The following VCAN variants were observed in gnomAD, a reference collection of about 807,000 sequenced individuals.
VCAN encodes versican.
VCAN carries 44 observed loss-of-function variants against 245.5 expected under a neutral mutation model. That is an observed-to-expected ratio of 0.18 (90% confidence interval 0.14 to 0.23). The LOEUF (loss-of-function observed/expected upper bound fraction) is 0.23, where lower values mean the gene tolerates loss of function less well. Ranked by LOEUF, VCAN falls within the 10% of genes least tolerant of loss-of-function variation. The probability of loss-of-function intolerance (pLI) is 1.00; values close to 1 mark genes in which losing one functional copy is unlikely to be tolerated. For synonymous variants in VCAN, 1,413 were observed against 1,437.0 expected (o/e 0.98, Z 0.38); for missense variants, 3,793 against 4,057.9 (o/e 0.93, Z 1.77).
Position 83,489,125 on chromosome 5 carries a change from T to TTGATATACATTTTGTTGAAATAA in VCAN, c.71-972_71-971insGATATACATTTTGTTGAAATAAT, listed in dbSNP as rs879516354. ...TGTTAGATATACATCATTTTGTTGG[T>TTGATATACATTTTGTTGAAATAA]TAAAAAATCATTATTTCATTTCACC... On this transcript the variant is annotated intron_variant, in intron 2 of 14. Transcript: ENST00000265077. Among the ~76,000 whole-genome samples the TTGATATACATTTTGTTGAAATAA allele has an allele frequency of 9.3e-3, 1,417 of 152,302 alleles. 18 individuals carry two copies. The highest frequency in any genetic ancestry group is 0.03 in the East Asian group (156 of 5,184).
intron 12 of VCAN, among the ~76,000 whole-genome samples, chr5:83,570,870 G>A (rs3852189): frequency 6.8e-6 from 1 of 147,794 alleles, no homozygotes; most frequent in East Asian, 2.0e-4. Flanking sequence ...GCTCTGAATT[G>A]AAAACAATTG....
chr5:83,534,539 C>T (rs1266849161), intron 7 of VCAN, among the ~76,000 whole-genome samples: 2 of 151,882 alleles, frequency 1.3e-5, no homozygotes, highest in African/African-American at 2.4e-5. Context: ...TTTAGTGTAC[C>T]TTTGTCTAAT....
chr5:83,496,962 G>T (rs897950985), intron 5 of VCAN, among the ~76,000 whole-genome samples: 1 of 152,162 alleles, frequency 6.6e-6, no homozygotes, highest in Admixed American at 6.6e-5. Flanking sequence ...CTTGTAAGAG[G>T]CATTGCTAAA....
intron 5 of VCAN, among the ~76,000 whole-genome samples, chr5:83,496,135 T>C (rs547462275): frequency 2.0e-5 from 3 of 152,334 alleles, no homozygotes; most frequent in African/African-American, 4.8e-5. Flanking sequence ...ACTGTCTTCA[T>C]TGAACGATGG....
intron 7 of VCAN, among the ~76,000 whole-genome samples, chr5:83,529,439 T>A (rs79046999): frequency 0.037 from 5,638 of 151,874 alleles, 385 homozygotes; most frequent in African/African-American, 0.13. Flanking sequence ...GCATTTACAT[T>A]GTATTAGTTA....
At position 83,580,501 on chromosome 5, in the gene VCAN, A is replaced by G; in HGVS notation, c.*67A>G. On this transcript the variant is annotated 3_prime_UTR_variant, in exon 15 of 15. Coordinates refer to ENST00000265077, the MANE Select transcript of VCAN (RefSeq NM_004385.5). ...AGTCCTAACTTCCTGTGCCTTTCCT[A>G]TCACCTCGAGAAGTAATTATCAGTT... The G allele has an allele frequency of 5.6e-6, 9 of 1,601,398 alleles. No homozygotes were observed. The highest frequency in any genetic ancestry group is 2.2e-5 in the South Asian group (2 of 89,190).
rs1747188867 is a variant in VCAN, at chr5:83,545,779, G to A, written c.9379+129G>A. ...GAAGATTAATTATATGTTAAATGAA[G>A]TTAAAATCTGAGGGTAATTAACTAG... On this transcript the variant is annotated intron_variant, in intron 9 of 14. Transcript: ENST00000265077. 6 of 804,070 alleles carry A rather than the reference G, an allele frequency of 7.5e-6. No homozygotes were observed. The South Asian group carries it at 8.6e-5, about 12-fold the overall frequency. 49.8% of individuals were successfully genotyped at this position (804,070 alleles called of 1,614,324 possible).
At position 83,540,332 on chromosome 5, in the gene VCAN, C is replaced by T. The variant is rs192091495; in HGVS notation, c.7329C>T (p.His2443=). The change falls in exon 8 of 15, where the codon CAC becomes CAT. Residue 2443 remains histidine, a synonymous_variant. Coordinates refer to ENST00000265077, the MANE Select transcript of VCAN (RefSeq NM_004385.5). ...AAGTGGATATTGTTGATTCATTTCA[C>T]ACTTCTGCAACTACTCAGGCAACCA... The part of the protein sequence containing the change: ...SGEVDIVDSF[H]TSATTQATRQ... 217 of 1,614,072 alleles carry T rather than the reference C, an allele frequency of 1.3e-4. 1 individual carries two copies. In the South Asian group the frequency reaches 2.2e-3, roughly 17 times the overall value.
intron 7 of VCAN, among the ~76,000 whole-genome samples, chr5:83,525,076 C>T (rs1292266905): frequency 1.6e-5 from 2 of 124,012 alleles, no homozygotes; most frequent in Non-Finnish European, 3.3e-5. Flanking sequence ...TACTATGAAA[C>T]AAAACATGCT....
chr5:83,529,013 CACACACACACACAT>C (rs923753215), intron 7 of VCAN, among the ~76,000 whole-genome samples: 9 of 151,726 alleles, frequency 5.9e-5, no homozygotes, highest in African/African-American at 2.2e-4. Context: ...CACACACACA[CACACACACACACAT>C]ATATGTATAC....
intron 14 of VCAN, 33 bp from the exon 15 acceptor site, chr5:83,580,274 G>C: frequency 6.2e-7 from 1 of 1,613,700 alleles, no homozygotes; most frequent in Non-Finnish European, 8.5e-7. Flanking sequence ...AATATTGTGT[G>C]TTTTCTTTTT....
rs1748113950 is a variant in VCAN, at chr5:83,567,185, T to C, written c.9736-5231T>C. On this transcript the variant is annotated intron_variant, in intron 12 of 14. Coordinates refer to ENST00000265077, the MANE Select transcript of VCAN (RefSeq NM_004385.5). The stretch of plus-strand genomic sequence containing the variant: ...CTCTAAAAATAAAGCAATTTTATCA[T>C]ATATTATCCAGCATTAAGCAGTTAT... Among the ~76,000 whole-genome samples, 7 of 152,272 alleles carry C rather than the reference T, an allele frequency of 4.6e-5. No individual in the cohort carries two copies. The South Asian group carries it at 1.5e-3, about 32-fold the overall frequency.
Position 83,471,748 on chromosome 5 carries a change from T to C in VCAN, c.-282T>C, listed in dbSNP as rs1744192628. 1 of 398,782 alleles carries C rather than the reference T, an allele frequency of 2.5e-6. No homozygotes were observed. The highest frequency in any genetic ancestry group is 4.4e-6 in the Non-Finnish European group (1 of 226,224). The allele number at this position is 398,782 out of a possible 1,614,324, so 24.7% of individuals were successfully genotyped here. ...TGATGATGGGTGTCACAACCCGCATTTGAACTTGCAGGCGAGCTGCCCCGA... is the reference window on the plus strand; with the variant it reads ...TGATGATGGGTGTCACAACCCGCATCTGAACTTGCAGGCGAGCTGCCCCGA... On this transcript the variant is annotated 5_prime_UTR_variant, in exon 1 of 15. Coordinates refer to ENST00000265077, the MANE Select transcript of VCAN (RefSeq NM_004385.5).
Position 83,521,454 on chromosome 5 carries a change from A to G in VCAN, c.3148A>G (p.Ser1050Gly), listed in dbSNP as rs1400256989. The change falls in exon 7 of 15, where the codon AGT (serine) becomes GGT (glycine). Residue 1050 changes from serine to glycine, a missense_variant. Around this residue, in one of 5 missense-constraint regions of VCAN, gnomAD observed 3,182 missense variants for 3,250.3 expected, o/e 0.98. Transcript: ENST00000265077. ...TGCAGAGAAACCAGTTCCTGCTCTC[A>G]GTTCTACAGCTTGGACTCCCAAGGA... ...QTAEKPVPAL[S>G]STAWTPKEAV... The G allele has an allele frequency of 6.2e-7, 1 of 1,614,172 alleles. No individual in the cohort carries two copies. Among genetic ancestry groups the G allele is most frequent in the South Asian group, 1.1e-5 (1 of 91,088 alleles).
chr5:83,540,936 A>G lies in VCAN; in HGVS notation c.7933A>G (p.Ser2645Gly). Residue 2645 changes from serine (S) to glycine (G), a missense_variant, in exon 8 of 15, where the codon AGC (serine) becomes GGC (glycine). Physicochemically the swap from Ser to Gly is moderately conservative, Grantham distance 56. Around this residue, in one of 5 missense-constraint regions of VCAN, gnomAD observed 3,182 missense variants for 3,250.3 expected, o/e 0.98. Transcript: ENST00000265077. ...TFEGSADVLA[S>G]YTQATHDESM... ...TGAGGGCTCTGCTGATGTTCTGGCT[A>G]GCTACACTCAGGCAACACATGATGA... 1 of 1,614,026 alleles carries G rather than the reference A, an allele frequency of 6.2e-7. No homozygotes were observed. The highest frequency in any genetic ancestry group is 8.5e-7 in the Non-Finnish European group (1 of 1,179,982).
At chr5:83,573,429 C>T (rs1748365685) in intron 13 of VCAN, among the ~76,000 whole-genome samples, 1 of 151,928 alleles carries the variant, frequency 6.6e-6, no homozygotes, top group Admixed American at 6.6e-5. Context: ...CTCATTGAGT[C>T]CTTCCTTTGT....
At chr5:83,559,075 AAACCCT>A (rs1289508325) in intron 12 of VCAN, among the ~76,000 whole-genome samples, 1 of 152,150 alleles carries the variant, frequency 6.6e-6, no homozygotes, top group East Asian at 1.9e-4. Flanking sequence ...GCTTTATTGG[AAACCCT>A]AACAAATAAC....
chr5:83,547,439 A>G (rs17205944), intron 9 of VCAN, among the ~76,000 whole-genome samples: 3,869 of 152,280 alleles, frequency 0.025, 61 homozygotes, highest in Middle Eastern at 0.068. Context: ...GATCCATGGA[A>G]TGTTTGGAAG....
intron 8 of VCAN, among the ~76,000 whole-genome samples, chr5:83,543,797 C>A (rs1453943636): frequency 1.3e-5 from 2 of 152,180 alleles, no homozygotes. Context: ...TTTGCGTCTT[C>A]ATTGCAAAAC....
Sources: allele counts gnomAD v4.1 joint callset (sites outside exome capture counted in the v4.1 genomes callset), GRCh38; gene constraint gnomAD v4.1.1; regional missense constraint gnomAD v4.1.1; transcripts MANE v1.5; gene names NCBI Gene and HGNC (gene_info 2026-07-23, HGNC 2026-07-21).